The following ZFHX3 variants were observed in gnomAD, a reference collection of about 807,000 sequenced individuals.
ZFHX3 encodes zinc finger homeobox protein 3.
In ZFHX3, 42 loss-of-function variants were observed where a neutral mutation model predicts 279.1. The observed-to-expected ratio is 0.15, with a 90% CI of 0.12 to 0.19. The LOEUF (loss-of-function observed/expected upper bound fraction) is 0.19, where lower values mean the gene tolerates loss of function less well. Among genes scored for constraint, ZFHX3 ranks in the 10% least tolerant of loss-of-function variants. The pLI is 1.00. For synonymous variants in ZFHX3, 2,293 were observed against 1,957.8 expected (o/e 1.17, Z -4.52); for missense variants, 4,981 against 4,754.0 (o/e 1.05, Z -1.40).
intron 2 of ZFHX3, among the ~76,000 whole-genome samples, chr16:73,518,946 G>A (rs1050244515): frequency 6.6e-6 from 1 of 152,182 alleles, no homozygotes; most frequent in Non-Finnish European, 1.5e-5. Flanking sequence ...AGCAGCGAAG[G>A]CAAGGAGATT....
chr16:73,433,525 G>T (rs2143519698), intron 3 of ZFHX3, among the ~76,000 whole-genome samples: 1 of 152,272 alleles, frequency 6.6e-6, no homozygotes, highest in South Asian at 2.1e-4. Flanking sequence ...AAATCCACTT[G>T]ATAAGGCCCC....
intron 1 of ZFHX3, among the ~76,000 whole-genome samples, chr16:73,695,610 G>C (rs1436482697): frequency 6.6e-6 from 1 of 152,154 alleles, no homozygotes; most frequent in Non-Finnish European, 1.5e-5. Flanking sequence ...ATACGTTTAG[G>C]CTCCAAACCT....
At position 72,811,896 on chromosome 16, in the gene ZFHX3, C is replaced by T. The variant is rs1740008942; in HGVS notation, c.3663+9G>A. On this transcript the variant is annotated intron_variant, in intron 6 of 9. Coordinates refer to ENST00000268489, the MANE Select transcript of ZFHX3 (RefSeq NM_006885.4). Reference sequence around the variant, plus strand: ...ACCTCCCCACCAGCAGAGTCCCTTCCAGCCTCACCTGCTCCGGTTTGATCT... The same window carrying T: ...ACCTCCCCACCAGCAGAGTCCCTTCTAGCCTCACCTGCTCCGGTTTGATCT... 6.2e-7 allele frequency: 1 copy of T among 1,613,558 alleles called. No homozygotes were observed. Among genetic ancestry groups the T allele is most frequent in the South Asian group, 1.1e-5 (1 of 91,024 alleles).
intron 5 of ZFHX3, among the ~76,000 whole-genome samples, chr16:73,228,797 G>A (rs576551227): frequency 1.3e-5 from 2 of 152,256 alleles, no homozygotes; most frequent in South Asian, 4.2e-4. Context: ...CAGAACCTGG[G>A]ATTACGTGGT....
At chr16:73,570,464 A>C (rs981253858) in intron 2 of ZFHX3, among the ~76,000 whole-genome samples, 1 of 152,170 alleles carries the variant, frequency 6.6e-6, no homozygotes, top group African/African-American at 2.4e-5. Flanking sequence ...TTAGACCTTT[A>C]TATCACACTT....
chr16:73,764,813 C>A (rs983089013), intron 1 of ZFHX3, among the ~76,000 whole-genome samples: 1 of 152,150 alleles, frequency 6.6e-6, no homozygotes, highest in African/African-American at 2.4e-5. Flanking sequence ...CCTAAGCCAC[C>A]CTGCTTCTCC....
At chr16:72,917,654 T>A (rs1482912163) in intron 3 of ZFHX3, among the ~76,000 whole-genome samples, 1 of 152,212 alleles carries the variant, frequency 6.6e-6, no homozygotes, top group African/African-American at 2.4e-5. Flanking sequence ...ACACACAGTA[T>A]CATTTCAATT....
intron 1 of ZFHX3, among the ~76,000 whole-genome samples, chr16:73,699,567 T>C (rs184640295): frequency 6.6e-6 from 1 of 152,368 alleles, no homozygotes; most frequent in African/African-American, 2.4e-5. Context: ...TCATATTCTG[T>C]ATTTAAGAAA....
intron 1 of ZFHX3, among the ~76,000 whole-genome samples, chr16:73,715,619 C>A (rs1299822359): frequency 1.5e-5 from 2 of 131,148 alleles, no homozygotes; most frequent in Non-Finnish European, 3.1e-5. Context: ...GTTGCCCAGG[C>A]TGGAATGCAA....
intron 5 of ZFHX3, among the ~76,000 whole-genome samples, chr16:73,148,019 G>A (rs1158632162): frequency 1.3e-5 from 2 of 152,222 alleles, no homozygotes; most frequent in African/African-American, 4.8e-5. Context: ...TTGACCACAG[G>A]GAGCTGACTT....
intron 3 of ZFHX3, among the ~76,000 whole-genome samples, chr16:73,356,382 A>C (rs2016341130): frequency 6.6e-6 from 1 of 152,004 alleles, no homozygotes; most frequent in South Asian, 2.1e-4. Context: ...TAATTTTATC[A>C]GAAAAACCCT....
At chr16:73,017,634 C>T (rs563304494) in intron 1 of ZFHX3, among the ~76,000 whole-genome samples, 64 of 152,270 alleles carry the variant, frequency 4.2e-4, no homozygotes, top group African/African-American at 1.5e-3. Context: ...CTGACTTCTC[C>T]AACTCCAGGG....
intron 3 of ZFHX3, among the ~76,000 whole-genome samples, chr16:73,329,349 T>C (rs2015754330): frequency 6.6e-6 from 1 of 152,260 alleles, no homozygotes. Flanking sequence ...CTTTCCACCC[T>C]CTTGCTTGTG....
intron 3 of ZFHX3, among the ~76,000 whole-genome samples, chr16:72,912,283 G>T (rs1597371805): frequency 6.6e-6 from 1 of 152,200 alleles, no homozygotes; most frequent in South Asian, 2.1e-4. Flanking sequence ...AAAGGAGAGG[G>T]TTAGTAAACA....
chr16:72,907,423 C>T, intron 3 of ZFHX3, among the ~76,000 whole-genome samples: 1 of 152,094 alleles, frequency 6.6e-6, no homozygotes, highest in Non-Finnish European at 1.5e-5. Context: ...TTATCCTCAT[C>T]ATTCTCTGTA....
At chr16:73,469,149 C>T (rs750759001) in intron 2 of ZFHX3, among the ~76,000 whole-genome samples, 16 of 152,196 alleles carry the variant, frequency 1.1e-4, no homozygotes, top group Non-Finnish European at 1.9e-4. Context: ...GCCCCTCGAC[C>T]TTGATAGATA....
intron 3 of ZFHX3, among the ~76,000 whole-genome samples, chr16:72,896,188 C>G (rs1036996627): frequency 6.6e-6 from 1 of 152,164 alleles, no homozygotes; most frequent in Non-Finnish European, 1.5e-5. Context: ...ACAGCTACGG[C>G]TGGAAACGAA....
At chr16:72,847,210 T>C (rs981018390) in intron 4 of ZFHX3, among the ~76,000 whole-genome samples, 1 of 152,202 alleles carries the variant, frequency 6.6e-6, no homozygotes, top group Non-Finnish European at 1.5e-5. Flanking sequence ...TAGCACTTCC[T>C]AGTACAAAAT....
intron 5 of ZFHX3, among the ~76,000 whole-genome samples, chr16:72,813,593 T>C (rs1388314651): frequency 6.6e-6 from 1 of 152,214 alleles, no homozygotes; most frequent in Admixed American, 6.5e-5. Context: ...AGGACATCTA[T>C]TATTTAAAAA....
Sources: gnomAD v4.1 joint callset for allele counts (sites outside exome capture counted in the v4.1 genomes callset) on GRCh38, gnomAD v4.1.1 for gene constraint, MANE v1.5 for transcripts, NCBI Gene and HGNC (gene_info 2026-07-23, HGNC 2026-07-21) for gene names.